Variants in NAALADL2 observed in about 807,000 individuals in gnomAD.
NAALADL2 encodes N-acetylated alpha-linked acidic dipeptidase like 2.
A neutral mutation model predicts 87.2 loss-of-function variants in NAALADL2; 76 were observed. The ratio of observed to expected loss-of-function variants is 0.87; its 90% confidence interval spans 0.72 to 1.05. NAALADL2 has a LOEUF of 1.05. Ranked by LOEUF, NAALADL2 falls within the 50% of genes least tolerant of loss-of-function variation. NAALADL2 has a pLI of 0.00. For synonymous variants in NAALADL2, 354 were observed against 331.0 expected, an observed-to-expected ratio of 1.07 and a Z score of -0.75; for missense variants, 1,089 against 945.8, an observed-to-expected ratio of 1.15 and a Z score of -1.99.
chr3:174,817,134 G>GA (rs1243599312), intron 3 of NAALADL2, among the ~76,000 whole-genome samples: 1 of 152,072 alleles, frequency 6.6e-6, no homozygotes, highest in Non-Finnish European at 1.5e-5. Flanking sequence ...CATTCAAAAG[G>GA]AAAATCAACA....
chr3:174,688,695 T>C (rs1728275947), intron 2 of NAALADL2, among the ~76,000 whole-genome samples: 2 of 134,134 alleles, frequency 1.5e-5, no homozygotes, highest in African/African-American at 5.5e-5. Context: ...TACAAATTAA[T>C]TTATAAATGT....
intron 12 of NAALADL2, among the ~76,000 whole-genome samples, chr3:175,739,958 G>A (rs773167242): frequency 2.0e-5 from 3 of 152,108 alleles, no homozygotes; most frequent in Non-Finnish European, 4.4e-5. Flanking sequence ...GAGTATGGAG[G>A]AGAGATCTGA....
At chr3:174,885,893 T>TAGA (rs1730063544) in intron 1 of NAALADL2, among the ~76,000 whole-genome samples, 1 of 28,936 alleles carries the variant, frequency 3.5e-5, no homozygotes, top group African/African-American at 1.6e-4. Flanking sequence ...TTTTTTTTTT[T>TAGA]TTTTTTTTTT....
chr3:175,580,619 A>G (rs1719626497), intron 10 of NAALADL2, among the ~76,000 whole-genome samples: 1 of 152,172 alleles, frequency 6.6e-6, no homozygotes, highest in African/African-American at 2.4e-5. Context: ...TCATGTGGGT[A>G]ACTACAAAAC....
At position 175,118,270 on chromosome 3, in the gene NAALADL2, G is replaced by A. The variant is rs144051055; in HGVS notation, c.545+20979G>A. Reference sequence around the variant, plus strand: ...ACTTAAAGTATAATAATAATAATACGAATTTCATCATTCTGAATAGCTCAA... The same window carrying A: ...ACTTAAAGTATAATAATAATAATACAAATTTCATCATTCTGAATAGCTCAA... On this transcript the variant is annotated intron_variant, in intron 2 of 13. Coordinates refer to ENST00000454872, the MANE Select transcript of NAALADL2 (RefSeq NM_207015.3). Among the ~76,000 whole-genome samples, 897 of 151,588 alleles carry A rather than the reference G, an allele frequency of 5.9e-3. 9 individuals are homozygous for A. Among genetic ancestry groups the A allele is most frequent in the African/African-American group, 0.02 (812 of 41,426 alleles).
chr3:174,879,559 T>A (rs1191459654), intron 1 of NAALADL2, among the ~76,000 whole-genome samples: 1 of 152,142 alleles, frequency 6.6e-6, no homozygotes, highest in East Asian at 1.9e-4. Flanking sequence ...TATGATGTTT[T>A]GATTTCAATG....
At chr3:175,341,934 C>G (rs369800869) in intron 5 of NAALADL2, among the ~76,000 whole-genome samples, 3 of 152,112 alleles carry the variant, frequency 2.0e-5, no homozygotes, top group East Asian at 3.9e-4. Context: ...TTATTCTTTT[C>G]CCATTGACTC....
chr3:175,679,539 A>G (rs1427571898), intron 11 of NAALADL2, among the ~76,000 whole-genome samples: 1 of 152,160 alleles, frequency 6.6e-6, no homozygotes. Context: ...TCATTGTAGT[A>G]TGGAATTACT....
At chr3:175,529,518 T>C (rs1016779402) in intron 9 of NAALADL2, among the ~76,000 whole-genome samples, 27 of 152,258 alleles carry the variant, frequency 1.8e-4, no homozygotes, top group Admixed American at 1.8e-3. Context: ...GACCATATAT[T>C]GGACACTGAA....
Position 175,372,960 on chromosome 3 carries a change from C to T in NAALADL2, c.1090+48635C>T, listed in dbSNP as rs371855472. On this transcript the variant is annotated intron_variant, in intron 5 of 13. Coordinates refer to ENST00000454872, the MANE Select transcript of NAALADL2 (RefSeq NM_207015.3). ...TTAGAAAGAACAGGACATAGTATTA[C>T]GTTTGTGGCCAGACAGTGGTCATAC... Among the ~76,000 whole-genome samples the T allele has an allele frequency of 2.3e-4, 35 of 152,266 alleles. 1 individual carries two copies. Among genetic ancestry groups the T allele is most frequent in the Admixed American group, 4.6e-4 (7 of 15,292 alleles).
At chr3:174,603,911 T>C (rs766803748) in intron 2 of NAALADL2, among the ~76,000 whole-genome samples, 26 of 152,146 alleles carry the variant, frequency 1.7e-4, no homozygotes, top group African/African-American at 2.4e-4. Context: ...TTTATTCCAT[T>C]GTGGTCAAAG....
intron 1 of NAALADL2, among the ~76,000 whole-genome samples, chr3:174,549,752 G>A (rs1209943212): frequency 1.3e-5 from 2 of 152,104 alleles, no homozygotes; most frequent in East Asian, 3.9e-4. Context: ...GATTAGAATA[G>A]AAGTATCCCC....
upstream of NAALADL2, among the ~76,000 whole-genome samples, chr3:174,855,082 G>T (rs1041624313): frequency 1.3e-5 from 2 of 151,830 alleles, no homozygotes; most frequent in African/African-American, 4.8e-5. Flanking sequence ...CAGGTGATCC[G>T]CCCGCCTTGG....
rs1718850924 is a variant in NAALADL2, at chr3:175,576,145, T to C, written c.1758T>C (p.Val586=). 3.1e-6 allele frequency: 5 copies of C among 1,613,746 alleles called. No homozygotes were observed. Among genetic ancestry groups the C allele is most frequent in the Non-Finnish European group, 4.2e-6 (5 of 1,179,834 alleles). Residue 586 remains valine, a synonymous_variant, in exon 10 of 14, where the codon GTT becomes GTC. Transcript: ENST00000454872. The stretch of plus-strand genomic sequence containing the variant: ...ATTATTTCATCAACCATCTTGGAGT[T>C]CCCATCGTGCAGTTTGCTTACGAGG... ...DADYFINHLG[V]PIVQFAYEDI...
chr3:175,754,593 A>T (rs370029026), intron 12 of NAALADL2, among the ~76,000 whole-genome samples: 23 of 152,350 alleles, frequency 1.5e-4, no homozygotes, highest in African/African-American at 5.3e-4. Flanking sequence ...CCCAGTAGTC[A>T]CATGACAACA....
At chr3:175,165,468 G>T in intron 2 of NAALADL2, among the ~76,000 whole-genome samples, 1 of 151,798 alleles carries the variant, frequency 6.6e-6, no homozygotes, top group South Asian at 2.1e-4. Flanking sequence ...AAAATTTAAG[G>T]CTCAAAAAAG....
chr3:174,518,279 C>A (rs1306153738), intron 1 of NAALADL2, among the ~76,000 whole-genome samples: 1 of 152,164 alleles, frequency 6.6e-6, no homozygotes. Flanking sequence ...CAGCTACATA[C>A]AAGCAAACTG....
chr3:175,697,253 AATACTAATAG>A (rs1430717521), intron 11 of NAALADL2, among the ~76,000 whole-genome samples: 6 of 152,048 alleles, frequency 3.9e-5, no homozygotes, highest in African/African-American at 9.7e-5. Flanking sequence ...GGAGCAGTAG[AATACTAATAG>A]ATGTGATTCT....
intron 3 of NAALADL2, among the ~76,000 whole-genome samples, chr3:174,786,214 G>T (rs559688380): frequency 6.6e-6 from 1 of 152,180 alleles, no homozygotes; most frequent in East Asian, 1.9e-4. Flanking sequence ...ACTTTGGTAG[G>T]CCAAGGCGGG....
Sources: allele counts gnomAD v4.1 joint callset (sites outside exome capture counted in the v4.1 genomes callset), GRCh38; gene constraint gnomAD v4.1.1; transcripts MANE v1.5; gene names NCBI Gene and HGNC (gene_info 2026-07-23, HGNC 2026-07-21).